The following AADACL2 variants were observed in gnomAD, a reference collection of about 807,000 sequenced individuals.
The protein encoded by AADACL2 is arylacetamide deacetylase like 2.
Under a neutral mutation model 22.3 loss-of-function variants are expected in AADACL2, and 23 were observed. The ratio of observed to expected loss-of-function variants is 1.03; its 90% confidence interval spans 0.74 to 1.46. The LOEUF is 1.46. AADACL2 is among the 40% of genes most tolerant of loss of function. AADACL2 has a pLI of 0.00. For synonymous variants in AADACL2, 177 were observed against 166.2 expected (o/e 1.07, Z -0.50); for missense variants, 472 against 482.9 (o/e 0.98, Z 0.21).
Position 151,757,476 on chromosome 3 carries a change from A to G in AADACL2, c.1088A>G (p.His363Arg). Residue 363 changes from histidine to arginine, a missense_variant, in exon 5 of 5, where the codon CAT becomes CGT. This residue lies in a region of AADACL2 where 113 missense variants were observed against 100.9 expected (regional missense o/e 1.12). Transcript: ENST00000356517. ...RLRNVGVQVV[H>R]EHIEDGIHGA... is the part of the protein sequence containing the mutation. The stretch of plus-strand genomic sequence containing the variant: ...CGAAATGTTGGAGTCCAAGTTGTTC[A>G]TGAACATATTGAGGATGGAATTCAT... 1.2e-6 allele frequency: 2 copies of G among 1,613,688 alleles called. No individual in the cohort carries two copies.
chr3:151,744,309 A>G (rs1713373163), intron 3 of AADACL2, 147 bp downstream of exon 3: 1 of 684,490 alleles, frequency 1.5e-6, no homozygotes. Flanking sequence ...CTGCTCCTCA[A>G]AGAGGTTCAG....
intron 4 of AADACL2, among the ~76,000 whole-genome samples, chr3:151,751,136 A>G (rs1024957950): frequency 1.3e-5 from 2 of 152,170 alleles, no homozygotes; most frequent in African/African-American, 4.8e-5. Flanking sequence ...AAATAATGTC[A>G]TTTATTTGAA....
chr3:151,741,353 T>C (rs990761969), intron 2 of AADACL2, among the ~76,000 whole-genome samples: 4 of 152,056 alleles, frequency 2.6e-5, no homozygotes, highest in Non-Finnish European at 4.4e-5. Context: ...AAACACAAAA[T>C]AGTACTATGT....
chr3:151,736,213 C>T (rs1713081283), intron 1 of AADACL2, among the ~76,000 whole-genome samples: 1 of 151,502 alleles, frequency 6.6e-6, no homozygotes, highest in Non-Finnish European at 1.5e-5. Flanking sequence ...AAAAAAACTG[C>T]TAGTAAATTA....
chr3:151,747,245 A>T (rs898777417), intron 4 of AADACL2, among the ~76,000 whole-genome samples: 1 of 152,114 alleles, frequency 6.6e-6, no homozygotes, highest in African/African-American at 2.4e-5. Flanking sequence ...TTTTTTCTCT[A>T]TGGTGAGCAT....
intron 4 of AADACL2, 120 bp downstream of exon 4, chr3:151,745,800 G>A: frequency 9.8e-7 from 1 of 1,025,140 alleles, no homozygotes; most frequent in Non-Finnish European, 1.4e-6. Context: ...TTGAATTACA[G>A]TAGCACTTGA....
chr3:151,744,899 A>T (rs1189529570), intron 3 of AADACL2, among the ~76,000 whole-genome samples: 1 of 152,136 alleles, frequency 6.6e-6, no homozygotes. Context: ...TGGGGAAAAA[A>T]TAATTTGTGC....
intron 4 of AADACL2, among the ~76,000 whole-genome samples, chr3:151,752,161 T>A (rs1365308575): frequency 2.0e-5 from 3 of 152,196 alleles, no homozygotes; most frequent in African/African-American, 7.2e-5. Context: ...GTCATAAGAA[T>A]CAACTTTTAC....
At chr3:151,752,855 A>G (rs1221176701) in intron 4 of AADACL2, among the ~76,000 whole-genome samples, 1 of 152,158 alleles carries the variant, frequency 6.6e-6, no homozygotes, top group Non-Finnish European at 1.5e-5. Flanking sequence ...GTCTTTCTAA[A>G]TACACTTTTG....
At chr3:151,747,332 A>C (rs1214188373) in intron 4 of AADACL2, among the ~76,000 whole-genome samples, 1 of 152,078 alleles carries the variant, frequency 6.6e-6, no homozygotes, top group East Asian at 1.9e-4. Flanking sequence ...TTAGATCTCC[A>C]GAACTTATTC....
At position 151,757,029 on chromosome 3, in the gene AADACL2, T is replaced by C. The variant is rs1415510104; in HGVS notation, c.641T>C (p.Met214Thr). The change falls in exon 5 of 5, where the codon ATG becomes ACG. Residue 214 changes from methionine to threonine, a missense_variant. By Grantham distance (81) the Met-to-Thr change is moderately conservative (BLOSUM62 -1). Transcript: ENST00000356517. ...GCTGAAATAAAACATAAAATCAAGA[T>C]GCAAGTCTTACTTTACCCTGGCTTA... ...NDAEIKHKIK[M>T]QVLLYPGLQI... is the part of the protein sequence containing the mutation. 2 of 1,609,876 alleles carry C rather than the reference T, an allele frequency of 1.2e-6. No homozygotes were observed. The highest frequency in any genetic ancestry group is 1.1e-5 in the South Asian group (1 of 90,890).
At chr3:151,749,931 G>C (rs879850009) in intron 4 of AADACL2, among the ~76,000 whole-genome samples, 1 of 152,170 alleles carries the variant, frequency 6.6e-6, no homozygotes. Context: ...CCTGATGTCA[G>C]AGGAAAAGCT....
chr3:151,734,346 G>A (rs998942517), intron 1 of AADACL2, among the ~76,000 whole-genome samples, 173 bp downstream of exon 1: 1 of 152,066 alleles, frequency 6.6e-6, no homozygotes, highest in African/African-American at 2.4e-5. Context: ...CTATATCTGT[G>A]AGTAACAGTG....
chr3:151,734,284 C>A (rs1277554789), intron 1 of AADACL2, 111 bp downstream of exon 1: 4 of 1,209,322 alleles, frequency 3.3e-6, no homozygotes, highest in South Asian at 3.7e-5. Context: ...TTTGAAAGAA[C>A]CATTGCTTGT....
At chr3:151,744,252 T>A in intron 3 of AADACL2, 90 bp downstream of exon 3, 1 of 1,205,698 alleles carries the variant, frequency 8.3e-7, no homozygotes, top group Non-Finnish European at 1.2e-6. Flanking sequence ...GCTTCAAATA[T>A]AATTTTTTAA....
chr3:151,744,413 G>A (rs1713375798), intron 3 of AADACL2, among the ~76,000 whole-genome samples: 1 of 152,032 alleles, frequency 6.6e-6, no homozygotes, highest in Non-Finnish European at 1.5e-5. Flanking sequence ...GTAAGACTCA[G>A]GTCCTATAAG....
chr3:151,741,088 GTTTT>G (rs1305579169), intron 2 of AADACL2, among the ~76,000 whole-genome samples: 1 of 152,092 alleles, frequency 6.6e-6, no homozygotes, highest in Admixed American at 6.6e-5. Context: ...TTTTTGTTTT[GTTTT>G]TTTATTATCC....
intron 1 of AADACL2, among the ~76,000 whole-genome samples, chr3:151,735,009 A>G (rs1040884191): frequency 6.6e-6 from 1 of 152,332 alleles, no homozygotes; most frequent in East Asian, 1.9e-4. Context: ...AGAGCAACCC[A>G]TGGTATAAAA....
chr3:151,746,365 G>GT (rs11385894), intron 4 of AADACL2, among the ~76,000 whole-genome samples: 45,147 of 136,770 alleles, frequency 0.33, 7,103 homozygotes, highest in East Asian at 0.43. Context: ...TGTTTTTTTT[G>GT]TTTTTTTTTT....
Sources: gnomAD v4.1 joint callset for allele counts (sites outside exome capture counted in the v4.1 genomes callset) on GRCh38, gnomAD v4.1.1 for gene constraint, gnomAD v4.1.1 regional missense constraint, MANE v1.5 for transcripts, NCBI Gene and HGNC (gene_info 2026-07-23, HGNC 2026-07-21) for gene names.